The following SIN3B variants were observed in gnomAD, a reference collection of about 807,000 sequenced individuals.
SIN3B encodes the protein paired amphipathic helix protein Sin3b.
A neutral mutation model predicts 120.2 loss-of-function variants in SIN3B; 19 were observed. The observed-to-expected ratio is 0.16, with a 90% confidence interval of 0.11 to 0.23. The LOEUF (loss-of-function observed/expected upper bound fraction) is 0.23, where lower values mean the gene tolerates loss of function less well. Among genes scored for constraint, SIN3B ranks in the 10% least tolerant of loss-of-function variants. The pLI is 1.00. For missense variants in SIN3B, 1,073 were observed against 1,573.0 expected (o/e 0.68, Z 5.38); for synonymous variants, 654 against 653.2 (o/e 1.00, Z -0.02).
At chr19:16,875,101 G>T (rs1389771490) in intron 14 of SIN3B, among the ~76,000 whole-genome samples, 1 of 149,078 alleles carries the variant, frequency 6.7e-6, no homozygotes, top group Non-Finnish European at 1.5e-5. Flanking sequence ...AGTTTGGTCT[G>T]ATCTGGTCTG....
chr19:16,865,314 C>G lies in SIN3B; in HGVS notation c.1384-96C>G, dbSNP rs532067099. On this transcript the variant is annotated intron_variant, in intron 10 of 18. Transcript: ENST00000248054. ...ATCTCTTAAATACACACACCCCCCC[C>G]CCAAAAAAATCCTCTGGTCTCTGAG... is the stretch of plus-strand genomic sequence containing the variant. The G allele has an allele frequency of 4.5e-5, 25 of 550,312 alleles. 4 individuals are homozygous for G. The highest frequency in any genetic ancestry group is 5.7e-4 in the Middle Eastern group (1 of 1,760). 34.1% of individuals were successfully genotyped at this position (550,312 alleles called of 1,614,324 possible). A position where few individuals can be genotyped will look rare whatever the true frequency, so the allele number is the denominator to read the frequency against.
Position 16,829,494 on chromosome 19 carries a change from G to A in SIN3B, c.74G>A (p.Arg25His). 8.2e-7 allele frequency: 1 copy of A among 1,222,550 alleles called. No homozygotes were observed. Among genetic ancestry groups the A allele is most frequent in the South Asian group, 4.1e-5 (1 of 24,422 alleles). 75.7% of individuals were successfully genotyped at this position (1,222,550 alleles called of 1,614,324 possible). Residue 25 changes from arginine to histidine, a missense_variant, in exon 1 of 19, where the codon CGC (arginine) becomes CAC (histidine). Physicochemically the swap from Arg to His is conservative, Grantham distance 29. Around this residue, in one of 7 missense-constraint regions of SIN3B, gnomAD observed 395 missense variants for 528.0 expected, o/e 0.75. Coordinates refer to ENST00000248054, the MANE Select transcript of SIN3B (RefSeq NM_001297595.2). ...GPAGRGLSGA[R>H]WGRSGSAGHE... ...GCGGGCCGGGGGCTGAGCGGCGCCCGCTGGGGTCGCTCGGGCTCCGCAGGC... is the reference window on the plus strand; with the variant it reads ...GCGGGCCGGGGGCTGAGCGGCGCCCACTGGGGTCGCTCGGGCTCCGCAGGC...
At chr19:16,864,082 T>C (rs1296460565) in intron 10 of SIN3B, among the ~76,000 whole-genome samples, 2 of 152,114 alleles carry the variant, frequency 1.3e-5, no homozygotes, top group Admixed American at 6.5e-5. Flanking sequence ...TCATTTAAGC[T>C]CAGGAGTTTG....
At chr19:16,858,375 A>T (rs547348984) in intron 8 of SIN3B, among the ~76,000 whole-genome samples, 1 of 152,212 alleles carries the variant, frequency 6.6e-6, no homozygotes, top group Admixed American at 6.5e-5. Flanking sequence ...ACCTTTTATA[A>T]GAAGTGGCCC....
intron 8 of SIN3B, among the ~76,000 whole-genome samples, chr19:16,858,641 C>G (rs1309076965): frequency 6.6e-6 from 1 of 152,100 alleles, no homozygotes; most frequent in African/African-American, 2.4e-5. Context: ...GGGGAAGGAT[C>G]ACTTGCATCC....
intron 3 of SIN3B, among the ~76,000 whole-genome samples, chr19:16,840,234 T>C (rs1444030526): frequency 6.6e-6 from 1 of 152,100 alleles, no homozygotes; most frequent in African/African-American, 2.4e-5. Flanking sequence ...ATGGAGCCTT[T>C]GAAGAGGTGA....
At chr19:16,850,799 C>G (rs1178325774) in intron 5 of SIN3B, among the ~76,000 whole-genome samples, 1 of 152,182 alleles carries the variant, frequency 6.6e-6, no homozygotes, top group Non-Finnish European at 1.5e-5. Flanking sequence ...GTCATTGGCA[C>G]CCTGTAGGCA....
In SIN3B at chr19:16,876,315, A is replaced by G. The variant is rs556045427; in HGVS notation, c.2766+87A>G. The G allele has an allele frequency of 1.3e-6, 2 of 1,483,540 alleles. No homozygotes were observed. The highest frequency in any genetic ancestry group is 4.6e-5 in the East Asian group (2 of 43,436). The allele number at this position is 1,483,540 out of a possible 1,614,324, so 91.9% of individuals were successfully genotyped here. Reference sequence around the variant, plus strand: ...CTCAGTCCTGGGTGGACCCTGGTTCAGCGGCTGGGACACCGGCCCTGCTGC... The same window carrying G: ...CTCAGTCCTGGGTGGACCCTGGTTCGGCGGCTGGGACACCGGCCCTGCTGC... On this transcript the variant is annotated intron_variant, in intron 15 of 18. Coordinates refer to ENST00000248054, the MANE Select transcript of SIN3B (RefSeq NM_001297595.2). This position sits in a 1 kb window ranked among gnomAD's most constrained non-coding sequence, Gnocchi z 7.1.
In SIN3B at chr19:16,878,312, C is replaced by G; in HGVS notation, c.3084C>G (p.Leu1028=). 1 of 1,611,854 alleles carries G rather than the reference C, an allele frequency of 6.2e-7. No homozygotes were observed. The part of the protein sequence containing the change: ...SACDVDCRFK[L]STHKMVFIVN... ...GCGACGTGGACTGCCGCTTCAAGCT[C>G]AGCACTCACAAGATGGTGTTCATCG... is the stretch of plus-strand genomic sequence containing the variant. Residue 1028 remains leucine, a synonymous_variant, in exon 18 of 19, where the codon CTC becomes CTG. Coordinates refer to ENST00000248054, the MANE Select transcript of SIN3B (RefSeq NM_001297595.2).
At chr19:16,833,366 G>T (rs757101619) in intron 3 of SIN3B, among the ~76,000 whole-genome samples, 3 of 152,066 alleles carry the variant, frequency 2.0e-5, no homozygotes, top group Non-Finnish European at 4.4e-5. Flanking sequence ...AGGCGCAGTG[G>T]CTCACGCCTG....
intron 3 of SIN3B, among the ~76,000 whole-genome samples, chr19:16,833,723 T>G (rs568437260): frequency 4.8e-5 from 7 of 146,446 alleles, no homozygotes; most frequent in Middle Eastern, 3.6e-3. Flanking sequence ...AGTCTCAGGG[T>G]TTTTTTTTTG....
At chr19:16,875,802 G>T (rs1599618168) in intron 14 of SIN3B, 2 of 535,570 alleles carry the variant, frequency 3.7e-6, no homozygotes, top group Non-Finnish European at 6.6e-6. Flanking sequence ...GTCTGGTCTG[G>T]TCTGTTTGGT....
chr19:16,850,730 G>A (rs565334995), intron 5 of SIN3B, among the ~76,000 whole-genome samples: 12 of 152,298 alleles, frequency 7.9e-5, no homozygotes, highest in Admixed American at 7.2e-4. Context: ...ATCGTCCCCT[G>A]CCTGTCCAGC....
At chr19:16,867,349 T>C (rs1445027457) in intron 12 of SIN3B, among the ~76,000 whole-genome samples, 1 of 152,214 alleles carries the variant, frequency 6.6e-6, no homozygotes, top group African/African-American at 2.4e-5. Context: ...TTCGGCTGCA[T>C]GTCCTCACTG....
intron 18 of SIN3B, 26 bp from the exon 19 acceptor site, chr19:16,878,471 G>A: frequency 6.4e-7 from 1 of 1,563,892 alleles, no homozygotes. Flanking sequence ...GCCCTCAGCT[G>A]CCCTGACACC....
intron 4 of SIN3B, among the ~76,000 whole-genome samples, chr19:16,843,407 G>A (rs117839489): frequency 4.6e-5 from 7 of 152,222 alleles, no homozygotes; most frequent in African/African-American, 1.7e-4. Context: ...GTTGTCCACC[G>A]TGCTGGCATC....
chr19:16,843,316 G>T (rs1024273398), intron 4 of SIN3B, among the ~76,000 whole-genome samples: 5 of 152,228 alleles, frequency 3.3e-5, no homozygotes, highest in Non-Finnish European at 7.3e-5. Flanking sequence ...GACATGTCGA[G>T]TCAAGAAGCG....
intron 3 of SIN3B, 81 bp downstream of exon 3, chr19:16,831,728 T>C: frequency 8.0e-7 from 1 of 1,253,582 alleles, no homozygotes; most frequent in South Asian, 1.3e-5. Context: ...GTGTCTCTCC[T>C]GTATCATTGC....
intron 3 of SIN3B, among the ~76,000 whole-genome samples, chr19:16,837,363 CAG>C (rs1971361411): frequency 2.6e-5 from 4 of 152,250 alleles, no homozygotes; most frequent in Admixed American, 2.0e-4. Flanking sequence ...GTGATGGAAA[CAG>C]AGTGGATGGT....
Sources: allele counts gnomAD v4.1 joint callset (sites outside exome capture counted in the v4.1 genomes callset), GRCh38; gene constraint gnomAD v4.1.1; regional missense constraint gnomAD v4.1.1; non-coding constraint Gnocchi (gnomAD v3.1); transcripts MANE v1.5; gene names NCBI Gene and HGNC (gene_info 2026-07-23, HGNC 2026-07-21).